SLCO1B1: variants seen among roughly 807,000 people sequenced by gnomAD.
SLCO1B1 encodes the protein OATP-2.
A neutral mutation model predicts 70.1 loss-of-function variants in SLCO1B1; 81 were observed. That is an observed-to-expected ratio of 1.16 (90% CI 0.97 to 1.39). The LOEUF (loss-of-function observed/expected upper bound fraction) is 1.39. Ranked by LOEUF, SLCO1B1 falls within the 40% of genes most tolerant of loss-of-function variation. The pLI, the probability that SLCO1B1 is intolerant of heterozygous loss-of-function variation, is 0.00. For synonymous variants in SLCO1B1, 283 were observed against 271.5 expected (o/e 1.04, Z -0.42); for missense variants, 895 against 799.6 (o/e 1.12, Z -1.44).
At chr12:21,196,105 C>G (rs1941089178) in intron 7 of SLCO1B1, among the ~76,000 whole-genome samples, 3 of 152,140 alleles carry the variant, frequency 2.0e-5, no homozygotes. Context: ...TAATATTGCA[C>G]TTCCCTGGGG....
chr12:21,141,660 T>G lies in SLCO1B1; in HGVS notation c.84+2T>G, dbSNP rs1017205455. The G allele has an allele frequency of 1.4e-5, 22 of 1,584,220 alleles. No individual in the cohort carries two copies. The highest frequency in any genetic ancestry group is 1.8e-5 in the Non-Finnish European group (21 of 1,155,716). ...ACAAGATACTGCAATGGATTGAAGG[T>G]AGAATAAGTTTTATGTTTTTGAGCT... is the stretch of plus-strand genomic sequence containing the variant. On this transcript the variant is annotated splice_donor_variant, in intron 2 of 14. Coordinates refer to ENST00000256958, the MANE Select transcript of SLCO1B1 (RefSeq NM_006446.5). LOFTEE classifies it high-confidence loss of function.
At position 21,199,007 on chromosome 12, in the gene SLCO1B1, C is replaced by T. The variant is rs554741489; in HGVS notation, c.971-1501C>T. ...GGATGGTTTTTCATGACTGGGGAGA[C>T]CTGTGGAGAGAAATGTGGCACTTTT... is the stretch of plus-strand genomic sequence containing the variant. On this transcript the variant is annotated intron_variant, in intron 8 of 14. Transcript: ENST00000256958. Among the ~76,000 whole-genome samples the T allele has an allele frequency of 9.9e-5, 15 of 152,100 alleles. No homozygotes were observed. In the South Asian group the frequency reaches 2.5e-3, roughly 25 times the overall value.
chr12:21,154,844 T>C (rs865779631), intron 2 of SLCO1B1, among the ~76,000 whole-genome samples: 3 of 152,160 alleles, frequency 2.0e-5, no homozygotes, highest in South Asian at 4.1e-4. Context: ...TATATCTCTT[T>C]ATAGCTGAGA....
At chr12:21,132,646 G>C (rs994433757) in intron 1 of SLCO1B1, among the ~76,000 whole-genome samples, 4 of 152,180 alleles carry the variant, frequency 2.6e-5, no homozygotes, top group Non-Finnish European at 5.9e-5. Context: ...GTTGAGAAGT[G>C]TCTGTTCATG....
At chr12:21,163,985 T>C (rs1326203139) in intron 2 of SLCO1B1, among the ~76,000 whole-genome samples, 3 of 151,500 alleles carry the variant, frequency 2.0e-5, no homozygotes, top group African/African-American at 7.3e-5. Context: ...GATCTAAGGA[T>C]ACTTGGGAGG....
chr12:21,211,794 G>T (rs1411412548), intron 11 of SLCO1B1, among the ~76,000 whole-genome samples: 3 of 152,180 alleles, frequency 2.0e-5, no homozygotes, highest in Non-Finnish European at 2.9e-5. Context: ...TCTTCGGAGA[G>T]TGTATATGTC....
At chr12:21,134,748 T>C (rs1268268432) in intron 1 of SLCO1B1, among the ~76,000 whole-genome samples, 1 of 152,132 alleles carries the variant, frequency 6.6e-6, no homozygotes, top group Non-Finnish European at 1.5e-5. Context: ...GTCTTGCTAG[T>C]GGTCTATCAA....
chr12:21,180,551 C>T (rs1281299128), intron 7 of SLCO1B1, among the ~76,000 whole-genome samples: 1 of 152,114 alleles, frequency 6.6e-6, no homozygotes. Context: ...TGATTTTCCA[C>T]CTCATTAGGC....
chr12:21,232,395 C>T (rs1941547548), intron 14 of SLCO1B1, among the ~76,000 whole-genome samples: 1 of 152,068 alleles, frequency 6.6e-6, no homozygotes, highest in Non-Finnish European at 1.5e-5. Flanking sequence ...TAAGTACTGC[C>T]ACATAGTTAC....
At chr12:21,136,346 A>T (rs1004418273) in intron 1 of SLCO1B1, among the ~76,000 whole-genome samples, 379 of 151,484 alleles carry the variant, frequency 2.5e-3, no homozygotes, top group Non-Finnish European at 4.0e-3. Context: ...TTTGTGGCGT[A>T]CTCTGTATTT....
In SLCO1B1 at chr12:21,205,883, A is replaced by T; in HGVS notation, c.1347A>T (p.Thr449=). 1 of 1,608,134 alleles carries T rather than the reference A, an allele frequency of 6.2e-7. No individual in the cohort carries two copies. The highest frequency in any genetic ancestry group is 1.1e-5 in the South Asian group (1 of 90,860). Residue 449 remains threonine (T), a synonymous_variant, in exon 11 of 15, where the codon ACA becomes ACT. Coordinates refer to ENST00000256958, the MANE Select transcript of SLCO1B1 (RefSeq NM_006446.5). ...TMTYDGNNPV[T]SHRDVPLSYC... is the part of the protein sequence containing the mutation. ...ATATTTCCAGAAATAATCCAGTGAC[A>T]TCTCATAGAGATGTACCACTTTCTT...
At chr12:21,230,223 A>C (rs893358060) in intron 14 of SLCO1B1, among the ~76,000 whole-genome samples, 1 of 151,612 alleles carries the variant, frequency 6.6e-6, no homozygotes, top group Non-Finnish European at 1.5e-5. Flanking sequence ...AATCCCACTT[A>C]GTCATGATGT....
At chr12:21,189,957 A>T (rs1338930398) in intron 7 of SLCO1B1, among the ~76,000 whole-genome samples, 1 of 152,092 alleles carries the variant, frequency 6.6e-6, no homozygotes, top group Admixed American at 6.6e-5. Flanking sequence ...AATCTCTGCA[A>T]TTTTTTCCTC....
chr12:21,198,953 A>G (rs1419874235), intron 8 of SLCO1B1, among the ~76,000 whole-genome samples: 5 of 152,158 alleles, frequency 3.3e-5, no homozygotes, highest in African/African-American at 1.2e-4. Context: ...AAGAAAGGCC[A>G]CAACTCACTT....
At chr12:21,210,389 T>C (rs1941268582) in intron 11 of SLCO1B1, among the ~76,000 whole-genome samples, 1 of 120,648 alleles carries the variant, frequency 8.3e-6, no homozygotes, top group African/African-American at 3.3e-5. Flanking sequence ...GCATTATTTC[T>C]GAGGGCTCTG....
chr12:21,198,082 G>A (rs1166030577), intron 8 of SLCO1B1, among the ~76,000 whole-genome samples: 2 of 152,228 alleles, frequency 1.3e-5, no homozygotes, highest in East Asian at 1.9e-4. Context: ...TTTAAAGTAA[G>A]ATGACAAATT....
In SLCO1B1 at chr12:21,239,690, A is replaced by T. The variant is rs372380851; in HGVS notation, c.*501A>T. ...ATATCTGTTACTCACATAAAATTAT[A>T]TATTTCACAGACTTTATCAATGTAT... On this transcript the variant is annotated 3_prime_UTR_variant, in exon 15 of 15. Transcript: ENST00000256958. 2.6e-5 allele frequency among the ~76,000 whole-genome samples: 4 copies of T among 152,336 alleles called. No individual in the cohort carries two copies. In the South Asian group the frequency reaches 6.2e-4, roughly 24 times the overall value.
chr12:21,214,036 T>C (rs545748972), intron 11 of SLCO1B1, among the ~76,000 whole-genome samples: 3,206 of 152,230 alleles, frequency 0.021, 99 homozygotes, highest in African/African-American at 0.073. Flanking sequence ...CAGAGTAATT[T>C]GATCGTCTGA....
intron 7 of SLCO1B1, among the ~76,000 whole-genome samples, chr12:21,190,670 T>C (rs148674299): frequency 3.2e-3 from 484 of 152,272 alleles, no homozygotes; most frequent in Non-Finnish European, 5.4e-3. Context: ...TCAGTCCCCT[T>C]CCATCTTTCC....
Sources: gnomAD v4.1 joint callset for allele counts (sites outside exome capture counted in the v4.1 genomes callset) on GRCh38, gnomAD v4.1.1 for gene constraint, MANE v1.5 for transcripts, NCBI Gene and HGNC (gene_info 2026-07-23, HGNC 2026-07-21) for gene names.